The following MTHFD2L variants were observed in gnomAD, a reference collection of about 807,000 sequenced individuals.
The protein encoded by MTHFD2L is methylenetetrahydrofolate dehydrogenase (NADP+ dependent) 2 like.
In MTHFD2L, 29 loss-of-function variants were observed where a neutral mutation model predicts 34.9. That is an observed-to-expected ratio of 0.83 (90% CI 0.62 to 1.13). The LOEUF is 1.13. Ranked by LOEUF, MTHFD2L falls within the 50% of genes most tolerant of loss-of-function variation. MTHFD2L has a pLI of 0.00. For synonymous variants in MTHFD2L, 167 were observed against 155.7 expected (o/e 1.07, Z -0.54); for missense variants, 481 against 446.5 (o/e 1.08, Z -0.70).
In MTHFD2L at chr4:74,302,659, A is replaced by G. The variant is rs1750452704; in HGVS notation, c.*850A>G. 1 of 152,166 alleles carries G rather than the reference A, an allele frequency of 6.6e-6. No homozygotes were observed. The highest frequency in any genetic ancestry group is 2.1e-4 in the South Asian group (1 of 4,826). The allele number at this position is 152,166 out of a possible 1,614,324, so 9.4% of individuals were successfully genotyped here. A position where few individuals can be genotyped will look rare whatever the true frequency, so the allele number is the denominator to read the frequency against. On this transcript the variant is annotated 3_prime_UTR_variant, in exon 8 of 8. Transcript: ENST00000325278. ...AAACTAAAGTTGTATTTTCCCACAA[A>G]TATAGTATGAATGAGGTCATATTAA...
Position 74,218,665 on chromosome 4 carries a change from C to T in MTHFD2L, c.713-6637C>T, listed in dbSNP as rs115186062. ...ATACTAACAAATGAAGCACATTGTG[C>T]TGTTTGTTCTAGCTTTGTTTTTTTA... On this transcript the variant is annotated intron_variant, in intron 5 of 7. Coordinates refer to ENST00000325278, the MANE Select transcript of MTHFD2L (RefSeq NM_001144978.3). Among the ~76,000 whole-genome samples, 373 of 148,704 alleles carry T rather than the reference C, an allele frequency of 2.5e-3. 2 individuals are homozygous for T. Among genetic ancestry groups the T allele is most frequent in the Non-Finnish European group, 3.9e-3 (264 of 67,136 alleles).
At chr4:74,288,579 A>G (rs1205795316) in intron 7 of MTHFD2L, 1 of 152,196 alleles carries the variant, frequency 6.6e-6, no homozygotes, top group East Asian at 1.9e-4. Context: ...TTACCTATCC[A>G]GAATTCATTT....
chr4:74,227,663 A>G (rs1224758477), intron 6 of MTHFD2L, among the ~76,000 whole-genome samples: 1 of 152,194 alleles, frequency 6.6e-6, no homozygotes, highest in East Asian at 1.9e-4. Flanking sequence ...GTTGTTGGGA[A>G]GGTAGCCAGG....
intron 6 of MTHFD2L, among the ~76,000 whole-genome samples, chr4:74,270,138 T>C (rs1248820128): frequency 1.3e-5 from 2 of 151,940 alleles, no homozygotes; most frequent in Non-Finnish European, 2.9e-5. Context: ...TGGTTTTCTT[T>C]TTGTCCAAAA....
At chr4:74,155,343 G>A (rs1003838413), upstream of MTHFD2L, among the ~76,000 whole-genome samples, 2 of 151,870 alleles carry the variant, frequency 1.3e-5, no homozygotes, top group African/African-American at 4.8e-5. Context: ...CAGTAATTTT[G>A]TTATGTCGGT....
At chr4:74,127,117 C>T (rs942304148) in intron 1 of MTHFD2L, among the ~76,000 whole-genome samples, 8 of 152,184 alleles carry the variant, frequency 5.3e-5, no homozygotes, top group Middle Eastern at 3.4e-3. Flanking sequence ...CCGGCCCTGC[C>T]GAACTGTGAG....
chr4:74,221,771 ATAT>A (rs1560502830), intron 5 of MTHFD2L, among the ~76,000 whole-genome samples: 2 of 150,018 alleles, frequency 1.3e-5, no homozygotes, highest in East Asian at 1.9e-4. Context: ...TAAAACTATC[ATAT>A]TATTTTCTGT....
intron 1 of MTHFD2L, among the ~76,000 whole-genome samples, chr4:74,165,252 G>T (rs2109916086): frequency 6.6e-6 from 1 of 152,258 alleles, no homozygotes; most frequent in South Asian, 2.1e-4. Flanking sequence ...CATTCAGCAT[G>T]AACAATTATT....
Position 74,236,904 on chromosome 4 carries a change from GT to G in MTHFD2L, c.805+11519del, listed in dbSNP as rs535617952. Among the ~76,000 whole-genome samples the G allele has an allele frequency of 2.9e-4, 44 of 151,282 alleles. No homozygotes were observed. In the East Asian group the frequency reaches 3.9e-3, roughly 13 times the overall value. On this transcript the variant is annotated intron_variant, in intron 6 of 7. Transcript: ENST00000325278. ...TTTCAGTGGATTTATCTCTTTTTAG[GT>G]TTTTTTTTAAATAAACCTTACTTTT...
At chr4:74,215,019 C>T (rs549236726) in intron 5 of MTHFD2L, among the ~76,000 whole-genome samples, 1 of 151,832 alleles carries the variant, frequency 6.6e-6, no homozygotes, top group Admixed American at 6.6e-5. Context: ...CCTACTCAAG[C>T]CTCAGTAAAT....
intron 1 of MTHFD2L, among the ~76,000 whole-genome samples, chr4:74,136,406 C>G (rs1173618274): frequency 6.6e-6 from 1 of 151,648 alleles, no homozygotes; most frequent in Non-Finnish European, 1.5e-5. Context: ...ACCTGGGAAT[C>G]AATTGAAACC....
At chr4:74,293,234 C>G (rs1039274669) in intron 7 of MTHFD2L, among the ~76,000 whole-genome samples, 4 of 151,934 alleles carry the variant, frequency 2.6e-5, no homozygotes, top group Non-Finnish European at 5.9e-5. Flanking sequence ...GTGATGTTCC[C>G]CTCCCTGTGT....
At chr4:74,139,560 A>T (rs72854804) in intron 1 of MTHFD2L, among the ~76,000 whole-genome samples, 4,042 of 152,208 alleles carry the variant, frequency 0.027, 199 homozygotes, top group African/African-American at 0.092. Flanking sequence ...CACTCTTCCC[A>T]TGAGTTGGGG....
At chr4:74,117,783 C>G (rs191198591) in intron 2 of MTHFD2L, among the ~76,000 whole-genome samples, 1 of 152,294 alleles carries the variant, frequency 6.6e-6, no homozygotes, top group East Asian at 1.9e-4. Context: ...GGACTGTCAC[C>G]TCTTCTTTTC....
At chr4:74,133,592 T>C (rs1296399667) in intron 1 of MTHFD2L, among the ~76,000 whole-genome samples, 1 of 152,202 alleles carries the variant, frequency 6.6e-6, no homozygotes, top group Non-Finnish European at 1.5e-5. Context: ...CCCATTCTGT[T>C]ATTGAGATCC....
At chr4:74,289,549 A>G (rs529615889) in intron 7 of MTHFD2L, among the ~76,000 whole-genome samples, 1 of 152,280 alleles carries the variant, frequency 6.6e-6, no homozygotes, top group South Asian at 2.1e-4. Flanking sequence ...CAAAGAAATC[A>G]CATTTGACTT....
chr4:74,218,139 T>G (rs1227970929), intron 5 of MTHFD2L, among the ~76,000 whole-genome samples: 1 of 152,186 alleles, frequency 6.6e-6, no homozygotes, highest in African/African-American at 2.4e-5. Context: ...TCTATACATT[T>G]TTTTTTTAGT....
chr4:74,156,079 GAAT>G (rs200292285), upstream of MTHFD2L, among the ~76,000 whole-genome samples: 1,632 of 152,178 alleles, frequency 0.011, 27 homozygotes, highest in African/African-American at 0.038. Context: ...TTTCCAATGT[GAAT>G]AATATTTTTT....
intron 7 of MTHFD2L, among the ~76,000 whole-genome samples, chr4:74,288,871 C>T (rs1377056020): frequency 6.6e-6 from 1 of 152,150 alleles, no homozygotes; most frequent in Non-Finnish European, 1.5e-5. Flanking sequence ...TACTTTTTGA[C>T]CATGTTATAC....
Sources: gnomAD v4.1 joint callset for allele counts (sites outside exome capture counted in the v4.1 genomes callset) on GRCh38, gnomAD v4.1.1 for gene constraint, MANE v1.5 for transcripts, NCBI Gene and HGNC (gene_info 2026-07-23, HGNC 2026-07-21) for gene names.